The following GNL3L variants were observed in gnomAD, a reference collection of about 807,000 sequenced individuals.
The protein encoded by GNL3L is G protein nucleolar 3 like, also known as guanine nucleotide-binding protein-like 3-like protein.
Under a neutral mutation model 42.9 loss-of-function variants are expected in GNL3L, and 4 were observed. The ratio of observed to expected loss-of-function variants is 0.09; its 90% CI spans 0.05 to 0.21. The LOEUF is 0.21. Among genes scored for constraint, GNL3L ranks in the 10% least tolerant of loss-of-function variants. The pLI, the probability that GNL3L is intolerant of heterozygous loss-of-function variation, is 1.00. For missense variants in GNL3L, 412 were observed against 481.7 expected (o/e 0.86, Z 1.36); for synonymous variants, 159 against 176.3 (o/e 0.90, Z 0.78).
the GNL3L span, among the ~76,000 whole-genome samples, chrX:54,628,193 T>C: frequency 9.3e-6 from 1 of 106,995 alleles, no homozygotes; most frequent in Non-Finnish European, 1.9e-5. Flanking sequence ...TTCCTTTTTA[T>C]GGCTGAGTAG....
intron 16 of GNL3L, among the ~76,000 whole-genome samples, chrX:54,590,544 T>G (rs1925855561): frequency 9.0e-6 from 1 of 111,631 alleles, no homozygotes; most frequent in African/African-American, 3.3e-5. Context: ...GATGGGTAAT[T>G]TACAAATAAT....
At chrX:54,531,854 T>C (rs1431784066) in intron 1 of GNL3L, among the ~76,000 whole-genome samples, 1 of 109,908 alleles carries the variant, frequency 9.1e-6, no homozygotes, top group Non-Finnish European at 1.9e-5. Flanking sequence ...CACCCCAGAG[T>C]AGAGGGACAG....
intron 16 of GNL3L, among the ~76,000 whole-genome samples, chrX:54,618,547 T>A (rs1163070513): frequency 1.8e-5 from 2 of 111,249 alleles, no homozygotes; most frequent in African/African-American, 6.5e-5. Flanking sequence ...AAATAAGCAC[T>A]AGATCACAAT....
intron 16 of GNL3L, among the ~76,000 whole-genome samples, chrX:54,600,137 A>AT (rs1347867687): frequency 1.4e-4 from 13 of 93,568 alleles, no homozygotes; most frequent in Non-Finnish European, 2.6e-4. Flanking sequence ...ATGATGAGTA[A>AT]TTTTTTATTA....
At chrX:54,536,324 G>T (rs932445001) in intron 2 of GNL3L, among the ~76,000 whole-genome samples, 1 of 109,995 alleles carries the variant, frequency 9.1e-6, no homozygotes, top group South Asian at 3.9e-4. Flanking sequence ...TGATCCACCC[G>T]CCTTGGCCTC....
intron 2 of GNL3L, among the ~76,000 whole-genome samples, chrX:54,533,847 G>C (rs1924341240): frequency 9.0e-6 from 1 of 110,643 alleles, no homozygotes; most frequent in African/African-American, 3.3e-5. Flanking sequence ...TAGAAATATT[G>C]ATAGTGATGG....
At chrX:54,542,351 G>T (rs982477875) in intron 5 of GNL3L, among the ~76,000 whole-genome samples, 2 of 107,332 alleles carry the variant, frequency 1.9e-5, no homozygotes, top group African/African-American at 3.4e-5. Flanking sequence ...GGGGTGTTTG[G>T]TTTTTTTGTC....
intron 2 of GNL3L, among the ~76,000 whole-genome samples, chrX:54,535,487 TTGA>T (rs1209450702): frequency 8.9e-6 from 1 of 112,101 alleles, no homozygotes; most frequent in African/African-American, 3.2e-5. Flanking sequence ...TTTTGCTAAC[TTGA>T]TGAAGTTTTT....
At chrX:54,547,236 A>G (rs1924802041) in intron 8 of GNL3L, among the ~76,000 whole-genome samples, 1 of 109,590 alleles carries the variant, frequency 9.1e-6, no homozygotes, top group Non-Finnish European at 1.9e-5. Flanking sequence ...ACCTCAAGTG[A>G]TCCGCCTGCC....
At chrX:54,583,803 C>T (rs1189792002) in intron 16 of GNL3L, among the ~76,000 whole-genome samples, 5 of 110,215 alleles carry the variant, frequency 4.5e-5, no homozygotes, top group East Asian at 5.8e-4. Flanking sequence ...CCACCATGCC[C>T]GGCTAATTTT....
chrX:54,533,347 G>A (rs1168839915), intron 2 of GNL3L, among the ~76,000 whole-genome samples: 1 of 102,161 alleles, frequency 9.8e-6, no homozygotes. Flanking sequence ...CAGTCTGGGC[G>A]ACAGAGTGAG....
At chrX:54,536,278 T>C (rs1440000580) in intron 2 of GNL3L, among the ~76,000 whole-genome samples, 2 of 109,150 alleles carry the variant, frequency 1.8e-5, no homozygotes, top group Non-Finnish European at 3.8e-5. Flanking sequence ...GGTTTCACCA[T>C]GTTGGCCAGG....
intron 16 of GNL3L, among the ~76,000 whole-genome samples, chrX:54,593,774 C>A (rs1925897647): frequency 9.0e-6 from 1 of 111,047 alleles, no homozygotes; most frequent in African/African-American, 3.3e-5. Context: ...TTTGCTCTAT[C>A]CCAAAGGTTT....
At chrX:54,568,516 G>A (rs7884689), downstream of GNL3L, among the ~76,000 whole-genome samples, 8,706 of 109,843 alleles carry the variant, frequency 0.079, 718 homozygotes, top group African/African-American at 0.25. Context: ...CTAGAATAAT[G>A]GCTTCTTTCC....
At chrX:54,544,170 C>A in intron 7 of GNL3L, 53 bp from the exon 8 acceptor site, 1 of 665,339 alleles carries the variant, frequency 1.5e-6, no homozygotes, top group Non-Finnish European at 2.4e-6. Context: ...TGGAGGGAAC[C>A]ATGGAGGTGT....
Position 54,543,276 on chromosome X carries a change from C to G in GNL3L, c.460C>G (p.Gln154Glu). ...AGACCCATTAGGCTGCCGCTGCTTC[C>G]AAATGGAGGAGGCTGTCCTGCGAGC... ...ARDPLGCRCF[Q>E]MEEAVLRAQG... Residue 154 changes from glutamine (Q) to glutamate (E), a missense_variant, in exon 7 of 16, where the codon CAA (glutamine) becomes GAA (glutamate). Coordinates refer to ENST00000360845, the MANE Select transcript of GNL3L (RefSeq NM_001184819.2). 1 of 1,209,916 alleles carries G rather than the reference C, an allele frequency of 8.3e-7. No homozygotes were observed. Among genetic ancestry groups the G allele is most frequent in the Non-Finnish European group, 1.1e-6 (1 of 894,174 alleles).
At chrX:54,627,394 C>CT in the GNL3L span, among the ~76,000 whole-genome samples, 42 of 105,839 alleles carry the variant, frequency 4.0e-4, no homozygotes, top group East Asian at 5.9e-4. Flanking sequence ...GGTCTTCTCT[C>CT]TTTTTTTTTT....
the GNL3L span, among the ~76,000 whole-genome samples, chrX:54,645,360 G>T: frequency 9.0e-6 from 1 of 111,584 alleles, no homozygotes; most frequent in African/African-American, 3.3e-5. Flanking sequence ...AGTATAAAAA[G>T]TATGTCAAGA....
intron 16 of GNL3L, among the ~76,000 whole-genome samples, chrX:54,572,829 C>T (rs1231367292): frequency 3.9e-5 from 4 of 101,387 alleles, no homozygotes; most frequent in South Asian, 4.6e-4. Context: ...ACTTCTCAGG[C>T]GGGGCGGCCG....
Sources: allele counts gnomAD v4.1 joint callset (sites outside exome capture counted in the v4.1 genomes callset), GRCh38; gene constraint gnomAD v4.1.1; transcripts MANE v1.5; gene names NCBI Gene and HGNC (gene_info 2026-07-23, HGNC 2026-07-21).